Variants in TMEM178B observed in about 807,000 individuals in gnomAD.
TMEM178B encodes transmembrane protein 178B.
Under a neutral mutation model 31.0 loss-of-function variants are expected in TMEM178B, and 5 were observed. The observed-to-expected ratio is 0.16, with a 90% CI of 0.08 to 0.34. The LOEUF (loss-of-function observed/expected upper bound fraction) is 0.34. Among genes scored for constraint, TMEM178B ranks in the 10% least tolerant of loss-of-function variants. The pLI is 1.00. For missense variants in TMEM178B, 275 were observed against 400.3 expected (o/e 0.69, Z 2.67); for synonymous variants, 164 against 164.0 (o/e 1.00, Z 0.00).
intron 1 of TMEM178B, among the ~76,000 whole-genome samples, chr7:141,121,267 C>CT (rs1795402890): frequency 6.6e-6 from 1 of 152,234 alleles, no homozygotes; most frequent in African/African-American, 2.4e-5. Flanking sequence ...CCTTTAAAAT[C>CT]TTTTGCTTAG....
chr7:141,492,564 C>G, the TMEM178B span, among the ~76,000 whole-genome samples: 1 of 152,168 alleles, frequency 6.6e-6, no homozygotes, highest in African/African-American at 2.4e-5. Flanking sequence ...TCAGCACCTA[C>G]TAGGAACCAC....
intron 2 of TMEM178B, among the ~76,000 whole-genome samples, chr7:141,220,303 T>A (rs1051699424): frequency 4.1e-5 from 6 of 147,266 alleles, no homozygotes; most frequent in Non-Finnish European, 7.5e-5. Flanking sequence ...ACAGTGAAAC[T>A]CCATCTCAAA....
chr7:141,353,161 C>T (rs182512871), intron 2 of TMEM178B, among the ~76,000 whole-genome samples: 1 of 152,316 alleles, frequency 6.6e-6, no homozygotes, highest in Admixed American at 6.5e-5. Context: ...TTGCTGGTCT[C>T]CTCACATCAA....
the TMEM178B span, among the ~76,000 whole-genome samples, chr7:141,488,091 A>G: frequency 6.6e-6 from 1 of 152,088 alleles, no homozygotes; most frequent in Non-Finnish European, 1.5e-5. Flanking sequence ...AAAAAAAAAA[A>G]CTTTGATAAT....
intron 1 of TMEM178B, among the ~76,000 whole-genome samples, chr7:141,088,280 G>A (rs1368720657): frequency 1.3e-5 from 2 of 151,272 alleles, no homozygotes; most frequent in African/African-American, 2.4e-5. Context: ...TTCCTTCCTC[G>A]TGTGCACCTC....
chr7:141,117,967 T>TG (rs375975973), intron 1 of TMEM178B, among the ~76,000 whole-genome samples: 20 of 152,246 alleles, frequency 1.3e-4, no homozygotes, highest in African/African-American at 4.8e-4. Context: ...GGAGACTTTT[T>TG]GGGGGGTTAA....
intron 2 of TMEM178B, among the ~76,000 whole-genome samples, chr7:141,396,307 T>C (rs532870790): frequency 3.2e-4 from 49 of 152,296 alleles, no homozygotes; most frequent in African/African-American, 1.1e-3. Context: ...AAGAATCTGT[T>C]TCAACATGTT....
chr7:141,105,833 G>T (rs897440150), intron 1 of TMEM178B, among the ~76,000 whole-genome samples: 1 of 152,108 alleles, frequency 6.6e-6, no homozygotes, highest in Non-Finnish European at 1.5e-5. Flanking sequence ...GGTGGCTCAT[G>T]CCTGTAATCC....
intron 2 of TMEM178B, among the ~76,000 whole-genome samples, chr7:141,219,448 G>A (rs112475643): frequency 0.012 from 1,781 of 152,256 alleles, 13 homozygotes; most frequent in Middle Eastern, 0.044. Context: ...TCTGTTGTTA[G>A]CTGCCTCTTG....
At chr7:141,384,579 C>G (rs1800395489) in intron 2 of TMEM178B, among the ~76,000 whole-genome samples, 1 of 152,154 alleles carries the variant, frequency 6.6e-6, no homozygotes, top group South Asian at 2.1e-4. Flanking sequence ...GTCTATATCT[C>G]TGTTTTGGTA....
chr7:141,291,786 A>G (rs1378469972), intron 2 of TMEM178B, among the ~76,000 whole-genome samples: 1 of 152,162 alleles, frequency 6.6e-6, no homozygotes, highest in Non-Finnish European at 1.5e-5. Flanking sequence ...TCTTCTTACA[A>G]TGAAAAAAAA....
At chr7:141,314,997 C>T (rs780303582) in intron 2 of TMEM178B, among the ~76,000 whole-genome samples, 2 of 152,200 alleles carry the variant, frequency 1.3e-5, no homozygotes, top group South Asian at 2.1e-4. Context: ...AATCCTTCTC[C>T]ATCCACATCT....
intron 1 of TMEM178B, among the ~76,000 whole-genome samples, chr7:141,187,616 T>A (rs1000513013): frequency 1.3e-5 from 2 of 152,226 alleles, no homozygotes; most frequent in African/African-American, 4.8e-5. Flanking sequence ...GTTTCCTAAC[T>A]TTTTCATGAT....
intron 1 of TMEM178B, among the ~76,000 whole-genome samples, chr7:141,187,089 CCCTCCCCCCACCCCA>C (rs1796621482): frequency 9.8e-6 from 1 of 102,380 alleles, no homozygotes; most frequent in South Asian, 4.6e-4. Flanking sequence ...TATCCCTCCC[CCCTCCCCCCACCCCA>C]CAACAGTCCC....
rs1802269013 is a variant in TMEM178B at position 141,472,743 on chromosome 7, A to G, written c.*1957A>G. Reference sequence around the variant, plus strand: ...CTCCTCCTTTTCTCACCTACTAACCACTTACCTTCTCTCTCTTCTATCTTC... The same window carrying G: ...CTCCTCCTTTTCTCACCTACTAACCGCTTACCTTCTCTCTCTTCTATCTTC... On this transcript the variant is annotated 3_prime_UTR_variant, in exon 4 of 4. Transcript: ENST00000565468. 6.6e-6 allele frequency: 1 copy of G among 152,290 alleles called. No individual in the cohort carries two copies. The highest frequency in any genetic ancestry group is 2.1e-4 in the South Asian group (1 of 4,820). The allele number at this position is 152,290 out of a possible 1,614,324, so 9.4% of individuals were successfully genotyped here.
At chr7:141,262,474 A>ATATATATATATATAT (rs1798028077) in intron 2 of TMEM178B, among the ~76,000 whole-genome samples, 1 of 131,864 alleles carries the variant, frequency 7.6e-6, no homozygotes, top group South Asian at 2.6e-4. Context: ...AAATACATAT[A>ATATATATATATATAT]ATATATATAT....
At chr7:141,223,381 A>G (rs538768066) in intron 2 of TMEM178B, among the ~76,000 whole-genome samples, 8 of 151,520 alleles carry the variant, frequency 5.3e-5, no homozygotes, top group African/African-American at 1.9e-4. Flanking sequence ...CAGAGCTAAG[A>G]TGTTTGGGGT....
chr7:141,269,447 A>T (rs529464352), intron 2 of TMEM178B, among the ~76,000 whole-genome samples: 1 of 152,150 alleles, frequency 6.6e-6, no homozygotes, highest in Admixed American at 6.5e-5. Context: ...TTCTTCAGTT[A>T]ATAATGTAAA....
chr7:141,099,899 G>A lies in TMEM178B; in HGVS notation c.382+25207G>A, dbSNP rs539532855. Among the ~76,000 whole-genome samples, 110 of 148,978 alleles carry A rather than the reference G, an allele frequency of 7.4e-4. 1 individual carries two copies. In the South Asian group the frequency reaches 0.019, roughly 26 times the overall value. On this transcript the variant is annotated intron_variant, in intron 1 of 3. Transcript: ENST00000565468. ...GGCTGGAGTGCAGTGGCGTGATCTC[G>A]GCTCACTGCAAGCTCCGCATCCCGG...
Sources: gnomAD v4.1 joint callset for allele counts (sites outside exome capture counted in the v4.1 genomes callset) on GRCh38, gnomAD v4.1.1 for gene constraint, MANE v1.5 for transcripts, NCBI Gene and HGNC (gene_info 2026-07-23, HGNC 2026-07-21) for gene names.